The following OSBP2 variants were observed in gnomAD, a reference collection of about 807,000 sequenced individuals.
OSBP2 encodes oxysterol binding protein 2, also known as oxysterol-binding protein 2.
Under a neutral mutation model 96.0 loss-of-function variants are expected in OSBP2, and 66 were observed. The observed-to-expected ratio is 0.69, with a 90% CI of 0.56 to 0.84. The LOEUF is 0.84. Among genes scored for constraint, OSBP2 ranks in the 40% least tolerant of loss-of-function variants. The pLI is 0.00. For missense variants in OSBP2, 1,038 were observed against 1,222.7 expected, an observed-to-expected ratio of 0.85 and a Z score of 2.25; for synonymous variants, 525 against 520.9, an observed-to-expected ratio of 1.01 and a Z score of -0.11.
chr22:30,831,227 A>G (rs1474101661), intron 2 of OSBP2, among the ~76,000 whole-genome samples: 5 of 152,210 alleles, frequency 3.3e-5, no homozygotes, highest in Non-Finnish European at 7.3e-5. Context: ...GCTTCCCTAC[A>G]TTAGACTTCC....
intron 1 of OSBP2, among the ~76,000 whole-genome samples, chr22:30,727,230 G>A (rs1055143128): frequency 1.3e-5 from 2 of 152,154 alleles, no homozygotes; most frequent in Admixed American, 6.6e-5. Context: ...TTCCGCCTAG[G>A]AGGCTCCTAA....
At chr22:30,777,861 G>A (rs2090456237) in intron 2 of OSBP2, among the ~76,000 whole-genome samples, 1 of 152,172 alleles carries the variant, frequency 6.6e-6, no homozygotes, top group Non-Finnish European at 1.5e-5. Flanking sequence ...AAGCCAGTGG[G>A]AGGAAATCGA....
chr22:30,817,004 A>G (rs906832984), intron 2 of OSBP2, among the ~76,000 whole-genome samples: 5 of 152,134 alleles, frequency 3.3e-5, no homozygotes, highest in Non-Finnish European at 5.9e-5. Context: ...CAAAGTGCTG[A>G]GATTACAGGC....
In OSBP2 at chr22:30,871,564, G is replaced by T. The variant is rs146742496; in HGVS notation, c.1107+882G>T. Among the ~76,000 whole-genome samples the T allele has an allele frequency of 6.6e-6, 1 of 152,304 alleles. No homozygotes were observed. Among genetic ancestry groups the T allele is most frequent in the East Asian group, 1.9e-4 (1 of 5,182 alleles). ...GAGGAGCTGTACAGAAATGGAGGCC[G>T]CAGAGGAAGAAGTGAGGTCCAGAGA... is the stretch of plus-strand genomic sequence containing the variant. On this transcript the variant is annotated intron_variant, in intron 3 of 13. Transcript: ENST00000332585. This position sits in a 1 kb window ranked among gnomAD's most constrained non-coding sequence, Gnocchi z 4.7.
chr22:30,895,918 G>A (rs5749189), intron 12 of OSBP2, among the ~76,000 whole-genome samples: 58,201 of 142,464 alleles, frequency 0.41, 12,416 homozygotes, highest in East Asian at 0.67. Context: ...AGCCTGGGAG[G>A]AAAAAAAAAA....
At chr22:30,816,422 A>G (rs975388558) in intron 2 of OSBP2, among the ~76,000 whole-genome samples, 2 of 152,176 alleles carry the variant, frequency 1.3e-5, no homozygotes, top group African/African-American at 4.8e-5. Context: ...CTGACATAGC[A>G]ATAGAATGGG....
chr22:30,694,054 T>C (rs1189745159), upstream of OSBP2: 2 of 1,534,226 alleles, frequency 1.3e-6, no homozygotes, highest in South Asian at 1.2e-5. Flanking sequence ...GGACCTACTC[T>C]GGAAAAATGC....
intron 2 of OSBP2, among the ~76,000 whole-genome samples, chr22:30,788,709 TTTTA>T (rs2090631246): frequency 6.6e-6 from 1 of 152,052 alleles, no homozygotes; most frequent in African/African-American, 2.4e-5. Flanking sequence ...GGGTGAACAA[TTTTA>T]TTTATTTATT....
chr22:30,822,234 A>G (rs2038288806), intron 2 of OSBP2, among the ~76,000 whole-genome samples: 1 of 152,228 alleles, frequency 6.6e-6, no homozygotes, highest in African/African-American at 2.4e-5. Context: ...CTTTGAGATA[A>G]AGCAACGCCG....
At chr22:30,701,557 A>G (rs1312175277) in intron 1 of OSBP2, among the ~76,000 whole-genome samples, 2 of 151,808 alleles carry the variant, frequency 1.3e-5, no homozygotes, top group African/African-American at 4.8e-5. Context: ...GTTAGCCAGG[A>G]TGGTCTCGAT....
chr22:30,748,354 A>AC (rs1206522244), intron 2 of OSBP2, among the ~76,000 whole-genome samples: 13 of 152,082 alleles, frequency 8.5e-5, no homozygotes, highest in Non-Finnish European at 1.9e-4. Flanking sequence ...TACAGGTGTG[A>AC]CCCACTGCAC....
intron 2 of OSBP2, among the ~76,000 whole-genome samples, chr22:30,798,693 T>C (rs2090800600): frequency 6.6e-6 from 1 of 152,328 alleles, no homozygotes; most frequent in East Asian, 1.9e-4. Flanking sequence ...TTTTACCTAC[T>C]GAATGGTCTT....
At chr22:30,835,426 A>T (rs1416620418) in intron 2 of OSBP2, among the ~76,000 whole-genome samples, 1 of 152,140 alleles carries the variant, frequency 6.6e-6, no homozygotes, top group East Asian at 1.9e-4. Context: ...CCCTTGTTGA[A>T]AATCAGTCAA....
chr22:30,869,133 C>G (rs567391656), intron 2 of OSBP2, among the ~76,000 whole-genome samples: 4 of 152,302 alleles, frequency 2.6e-5, no homozygotes, highest in South Asian at 4.1e-4. Context: ...GAGACGCCCA[C>G]AGCCCCATAA....
At chr22:30,792,817 C>G (rs1311673654) in intron 2 of OSBP2, among the ~76,000 whole-genome samples, 16 of 152,176 alleles carry the variant, frequency 1.1e-4, no homozygotes, top group Admixed American at 1.0e-3. Context: ...CTCATATTCC[C>G]CAGCCAGCCT....
chr22:30,699,141 C>T (rs1249193068), intron 1 of OSBP2, among the ~76,000 whole-genome samples: 1 of 151,856 alleles, frequency 6.6e-6, no homozygotes, highest in African/African-American at 2.4e-5. Context: ...CACAAGGTTT[C>T]GTTATGTTGG....
chr22:30,712,480 C>G lies in OSBP2; in HGVS notation c.644+16927C>G, dbSNP rs888155587. 2.0e-5 allele frequency among the ~76,000 whole-genome samples: 3 copies of G among 152,160 alleles called. No individual in the cohort carries two copies. The South Asian group carries it at 6.2e-4, about 32-fold the overall frequency. ...ATTTCCATGAGGTCAGGGCTCCCAG[C>G]TGCTATGGAACCTCAGAATCCTCTC... is the stretch of plus-strand genomic sequence containing the variant. On this transcript the variant is annotated intron_variant, in intron 1 of 13. Transcript: ENST00000332585.
At chr22:30,803,106 C>G in intron 2 of OSBP2, 2 of 210,924 alleles carry the variant, frequency 9.5e-6, no homozygotes, top group South Asian at 1.3e-4. Flanking sequence ...GCGGCGGCAG[C>G]AGCAGCAGCT....
intron 2 of OSBP2, among the ~76,000 whole-genome samples, chr22:30,779,209 G>A (rs546857000): frequency 1.8e-3 from 274 of 149,226 alleles, no homozygotes; most frequent in African/African-American, 6.6e-3. Flanking sequence ...AGCCTCCCGA[G>A]TAGCTGGGAT....
Sources: allele counts gnomAD v4.1 joint callset (sites outside exome capture counted in the v4.1 genomes callset), GRCh38; gene constraint gnomAD v4.1.1; non-coding constraint Gnocchi (gnomAD v3.1); transcripts MANE v1.5; gene names NCBI Gene and HGNC (gene_info 2026-07-23, HGNC 2026-07-21).